Variants in TSHZ2 observed in about 807,000 individuals in gnomAD.
The protein encoded by TSHZ2 is teashirt zinc finger homeobox 2.
A neutral mutation model predicts 74.4 loss-of-function variants in TSHZ2; 21 were observed. That is an observed-to-expected ratio of 0.28 (90% CI 0.20 to 0.41). The LOEUF (loss-of-function observed/expected upper bound fraction) is 0.41. Among genes scored for constraint, TSHZ2 ranks in the 10% least tolerant of loss-of-function variants. The pLI, the probability that TSHZ2 is intolerant of heterozygous loss-of-function variation, is 1.00. For synonymous variants in TSHZ2, 540 were observed against 515.3 expected (o/e 1.05, Z -0.65); for missense variants, 1,244 against 1,293.5 (o/e 0.96, Z 0.59).
At chr20:53,011,992 G>A (rs183942354) in intron 1 of TSHZ2, among the ~76,000 whole-genome samples, 41 of 152,298 alleles carry the variant, frequency 2.7e-4, no homozygotes, top group African/African-American at 9.9e-4. Flanking sequence ...AGAGAATTGA[G>A]AAACGGGGTC....
chr20:53,092,271 G>T (rs755768947), intron 1 of TSHZ2, among the ~76,000 whole-genome samples: 1 of 152,158 alleles, frequency 6.6e-6, no homozygotes, highest in Non-Finnish European at 1.5e-5. Context: ...ATTCTGTGTT[G>T]TCACATCCCT....
chr20:53,402,881 C>T (rs1195647909), intron 2 of TSHZ2, among the ~76,000 whole-genome samples: 1 of 152,194 alleles, frequency 6.6e-6, no homozygotes, highest in African/African-American at 2.4e-5. Flanking sequence ...ATTCTGCAGC[C>T]TGTTCTCCTA....
rs982882484 is a variant in TSHZ2, at chr20:53,489,527, G to A, written c.*2392G>A. On this transcript the variant is annotated 3_prime_UTR_variant, in exon 3 of 3. Transcript: ENST00000371497. ...TGCAACCATCCAAAAGTGGATTCTC[G>A]AGCCCTTGCTCCAATGGGGGGAGGA... 3.7e-5 allele frequency: 8 copies of A among 214,744 alleles called. No homozygotes were observed. Among genetic ancestry groups the A allele is most frequent in the Non-Finnish European group, 5.7e-5 (6 of 105,404 alleles). 13.3% of individuals were successfully genotyped at this position (214,744 alleles called of 1,614,324 possible). A position where few individuals can be genotyped will look rare whatever the true frequency, so the allele number is the denominator to read the frequency against.
At chr20:53,478,332 A>G (rs1986043199) in intron 2 of TSHZ2, among the ~76,000 whole-genome samples, 1 of 151,844 alleles carries the variant, frequency 6.6e-6, no homozygotes, top group Non-Finnish European at 1.5e-5. Flanking sequence ...CTATGCAGCC[A>G]TGAAAATGGA....
chr20:53,149,022 C>CT (rs1361058322), intron 1 of TSHZ2, among the ~76,000 whole-genome samples: 2 of 152,180 alleles, frequency 1.3e-5, no homozygotes, highest in Non-Finnish European at 2.9e-5. Flanking sequence ...CTGTGGCTTA[C>CT]TTGATGCCAG....
intron 2 of TSHZ2, among the ~76,000 whole-genome samples, chr20:53,463,421 A>G (rs935501819): frequency 2.4e-5 from 3 of 122,944 alleles, no homozygotes; most frequent in Middle Eastern, 4.0e-3. Context: ...GAAGGAAGGA[A>G]GGAAGGAAGG....
At chr20:53,306,609 T>C (rs1978556342) in intron 2 of TSHZ2, among the ~76,000 whole-genome samples, 1 of 152,324 alleles carries the variant, frequency 6.6e-6, no homozygotes, top group African/African-American at 2.4e-5. Flanking sequence ...GTTAAATATT[T>C]AAATGATTTG....
chr20:53,296,811 T>C (rs886541492), intron 2 of TSHZ2, among the ~76,000 whole-genome samples: 1 of 152,222 alleles, frequency 6.6e-6, no homozygotes, highest in African/African-American at 2.4e-5. Flanking sequence ...TTGGAAATTT[T>C]CCCCAAGCAA....
At chr20:53,469,362 G>C (rs1337560058) in intron 2 of TSHZ2, among the ~76,000 whole-genome samples, 1 of 151,540 alleles carries the variant, frequency 6.6e-6, no homozygotes, top group Non-Finnish European at 1.5e-5. Context: ...TGGCCAACAT[G>C]GTGAAACCCC....
chr20:53,255,895 T>A lies in TSHZ2; in HGVS notation c.2437T>A (p.Ser813Thr). 6.2e-7 allele frequency: 1 copy of A among 1,613,716 alleles called. No individual in the cohort carries two copies. Among genetic ancestry groups the A allele is most frequent in the Non-Finnish European group, 8.5e-7 (1 of 1,179,840 alleles). Reference sequence around the variant, plus strand: ...AGCCACCACCCCAAAGCCAGCCTCCTCCTCCAGGGTCCCCCCCATGAAGCT... The same window carrying A: ...AGCCACCACCCCAAAGCCAGCCTCCACCTCCAGGGTCCCCCCCATGAAGCT... ...PKATTPKPAS[S>T]SRVPPMKLEM... is the part of the protein sequence containing the mutation. The change falls in exon 2 of 3, where the codon TCC (serine) becomes ACC (threonine). Residue 813 changes from serine to threonine, a missense_variant. Ser to Thr is a moderately conservative substitution (Grantham distance 58, BLOSUM62 1). This residue lies in a region of TSHZ2 where 562 missense variants were observed against 544.0 expected (regional missense o/e 1.03). Transcript: ENST00000371497. This position sits in a 1 kb window ranked among gnomAD's most constrained non-coding sequence, Gnocchi z 4.1.
intron 1 of TSHZ2, among the ~76,000 whole-genome samples, chr20:53,104,757 C>T (rs771677027): frequency 2.0e-5 from 3 of 152,170 alleles, no homozygotes; most frequent in Non-Finnish European, 4.4e-5. Flanking sequence ...TGATCAATCA[C>T]CCCCTCTTAA....
chr20:53,479,435 G>A (rs80326038), intron 2 of TSHZ2, among the ~76,000 whole-genome samples: 1,881 of 152,246 alleles, frequency 0.012, 39 homozygotes, highest in African/African-American at 0.043. Flanking sequence ...CAGACTCACC[G>A]TGAACATGTC....
At chr20:53,262,342 G>C (rs190635752) in intron 2 of TSHZ2, among the ~76,000 whole-genome samples, 1 of 151,924 alleles carries the variant, frequency 6.6e-6, no homozygotes, top group Non-Finnish European at 1.5e-5. Flanking sequence ...TCTCTCTAAC[G>C]CATTGACACT....
At chr20:53,396,404 A>C (rs1982447067) in intron 2 of TSHZ2, among the ~76,000 whole-genome samples, 2 of 152,212 alleles carry the variant, frequency 1.3e-5, no homozygotes, top group South Asian at 4.1e-4. Flanking sequence ...CAGATGAAGA[A>C]ACTGAAGTGG....
rs778556339 is a variant in TSHZ2, at chr20:53,451,070, C to T, written c.*9-36074C>T. 6.4e-4 allele frequency among the ~76,000 whole-genome samples: 98 copies of T among 152,056 alleles called. 1 individual carries two copies. The highest frequency in any genetic ancestry group is 4.0e-4 in the Non-Finnish European group (27 of 68,008). ...TTTCTGAAAAAAGTTGACTGAAACT[C>T]CAAACCAACATGCCATATTGTTGAT... On this transcript the variant is annotated intron_variant, in intron 2 of 2. Transcript: ENST00000371497.
intron 1 of TSHZ2, among the ~76,000 whole-genome samples, chr20:52,994,471 T>TG (rs1397242639): frequency 6.6e-6 from 1 of 151,986 alleles, no homozygotes; most frequent in South Asian, 2.1e-4. Context: ...GATGGATGGA[T>TG]GAATAAATGA....
chr20:53,478,816 A>C (rs1986065809), intron 2 of TSHZ2, among the ~76,000 whole-genome samples: 1 of 152,094 alleles, frequency 6.6e-6, no homozygotes, highest in Non-Finnish European at 1.5e-5. Flanking sequence ...CTGAAATAAA[A>C]TTTCTAGATC....
chr20:53,257,173 T>C (rs6091653), intron 2 of TSHZ2, among the ~76,000 whole-genome samples: 17,258 of 152,302 alleles, frequency 0.11, 1,087 homozygotes, highest in African/African-American at 0.14. Flanking sequence ...CTACATTAAG[T>C]GTCCTATGAA....
At chr20:53,027,920 C>A (rs1273180320) in intron 1 of TSHZ2, among the ~76,000 whole-genome samples, 1 of 152,004 alleles carries the variant, frequency 6.6e-6, no homozygotes, top group African/African-American at 2.4e-5. Flanking sequence ...CAGTGGTCAC[C>A]AGGTAGAAAC....
Sources: gnomAD v4.1 joint callset for allele counts (sites outside exome capture counted in the v4.1 genomes callset) on GRCh38, gnomAD v4.1.1 for gene constraint, gnomAD v4.1.1 regional missense constraint, Gnocchi (gnomAD v3.1) non-coding constraint, MANE v1.5 for transcripts, NCBI Gene and HGNC (gene_info 2026-07-23, HGNC 2026-07-21) for gene names.